The following AP4E1 variants were observed in gnomAD, a reference collection of about 807,000 sequenced individuals.
AP4E1 encodes adaptor related protein complex 4 subunit epsilon 1.
Under a neutral mutation model 128.2 loss-of-function variants are expected in AP4E1, and 56 were observed. The observed-to-expected ratio is 0.44, with a 90% CI of 0.35 to 0.55. AP4E1 has a LOEUF of 0.55. AP4E1 is among the 20% of genes least tolerant of loss of function. AP4E1 has a pLI of 0.00. For synonymous variants in AP4E1, 484 were observed against 473.1 expected (o/e 1.02, Z -0.30); for missense variants, 1,324 against 1,307.7 (o/e 1.01, Z -0.19).
At position 50,999,125 on chromosome 15, in the gene AP4E1, A is replaced by C. The variant is rs771319879; in HGVS notation, c.2958A>C (p.Lys986Asn). 1.6e-5 allele frequency: 26 copies of C among 1,613,912 alleles called. No homozygotes were observed. The highest frequency in any genetic ancestry group is 2.1e-5 in the Non-Finnish European group (25 of 1,179,962). The part of the protein sequence containing the change: ...CLPVMEAEST[K>N]SFQYSVQIEK... The stretch of plus-strand genomic sequence containing the variant: ...CTGTAATGGAAGCAGAAAGCACCAA[A>C]AGCTTTCAATATAGTGTGCAGATAG... The change falls in exon 19 of 21, where the codon AAA becomes AAC. Residue 986 changes from lysine to asparagine, a missense_variant. By Grantham distance (94) the Lys-to-Asn change is moderately conservative (BLOSUM62 0). Coordinates refer to ENST00000261842, the MANE Select transcript of AP4E1 (RefSeq NM_007347.5).
At chr15:50,985,243 T>C (rs1347818396) in intron 16 of AP4E1, among the ~76,000 whole-genome samples, 4 of 151,960 alleles carry the variant, frequency 2.6e-5, no homozygotes, top group Admixed American at 6.6e-5. Flanking sequence ...CAAAAATTTT[T>C]TCCCATTCTG....
chr15:50,985,741 G>A (rs575207672), intron 16 of AP4E1, among the ~76,000 whole-genome samples: 217 of 152,310 alleles, frequency 1.4e-3, no homozygotes, highest in African/African-American at 5.0e-3. Flanking sequence ...AAGTCAGGTA[G>A]AGTGATGCCT....
At chr15:50,930,080 T>A (rs955777751) in intron 6 of AP4E1, among the ~76,000 whole-genome samples, 5 of 149,928 alleles carry the variant, frequency 3.3e-5, no homozygotes, top group Middle Eastern at 7.0e-3. Context: ...GACTTTTTTT[T>A]TTTTGAGATT....
rs921582436 is a variant in AP4E1 at position 51,002,785 on chromosome 15, A to G, written c.*123A>G. The G allele has an allele frequency of 5.4e-5, 68 of 1,267,200 alleles. No individual in the cohort carries two copies. Among genetic ancestry groups the G allele is most frequent in the Admixed American group, 3.2e-4 (16 of 49,766 alleles). 78.5% of individuals were successfully genotyped at this position (1,267,200 alleles called of 1,614,324 possible). A position where few individuals can be genotyped will look rare whatever the true frequency, so the allele number is the denominator to read the frequency against. ...ATGGGGATTATTACAAGTGTGGTTT[A>G]TATGTTTTCTTTGTGATTCCTGGTC... On this transcript the variant is annotated 3_prime_UTR_variant, in exon 21 of 21. Coordinates refer to ENST00000261842, the MANE Select transcript of AP4E1 (RefSeq NM_007347.5).
At chr15:50,988,202 C>G (rs923991681) in intron 16 of AP4E1, among the ~76,000 whole-genome samples, 1 of 152,122 alleles carries the variant, frequency 6.6e-6, no homozygotes, top group African/African-American at 2.4e-5. Context: ...TTCTGATAAA[C>G]CCATTATAAA....
At chr15:50,983,062 A>C (rs150092965) in intron 15 of AP4E1, among the ~76,000 whole-genome samples, 1 of 152,372 alleles carries the variant, frequency 6.6e-6, no homozygotes, top group Non-Finnish European at 1.5e-5. Flanking sequence ...CCAATTAAAA[A>C]ATAAAGAAAC....
chr15:50,922,914 A>G (rs2063724374), intron 3 of AP4E1, among the ~76,000 whole-genome samples: 2 of 151,900 alleles, frequency 1.3e-5, no homozygotes, highest in East Asian at 3.9e-4. Flanking sequence ...AGTAGCTGGG[A>G]CTACAGGTGC....
chr15:50,938,373 A>G (rs2063937048), intron 8 of AP4E1, among the ~76,000 whole-genome samples: 1 of 152,170 alleles, frequency 6.6e-6, no homozygotes, highest in Admixed American at 6.5e-5. Flanking sequence ...AGCATAGGAA[A>G]AAACTGTGGA....
rs2064121920 is a variant in AP4E1 at position 50,949,893 on chromosome 15, A to G, written c.1384A>G (p.Met462Val). The G allele has an allele frequency of 6.2e-7, 1 of 1,613,794 alleles. No homozygotes were observed. Among genetic ancestry groups the G allele is most frequent in the Non-Finnish European group, 8.5e-7 (1 of 1,179,798 alleles). Residue 462 changes from methionine to valine, a missense_variant, in exon 12 of 21, where the codon ATG becomes GTG. Coordinates refer to ENST00000261842, the MANE Select transcript of AP4E1 (RefSeq NM_007347.5). Reference sequence around the variant, plus strand: ...TGTGTTTTCAGTAGGAGGAGATGTAATGCATCCTGATATTCCCAATAACTT... The same window carrying G: ...TGTGTTTTCAGTAGGAGGAGATGTAGTGCATCCTGATATTCCCAATAACTT... Reference protein sequence around the residue: ...NAVFSVGGDVMHPDIPNNFLR... With the variant: ...NAVFSVGGDVVHPDIPNNFLR...
At chr15:50,950,296 G>A in intron 13 of AP4E1, 127 bp downstream of exon 13, 3 of 642,850 alleles carry the variant, frequency 4.7e-6, no homozygotes, top group Non-Finnish European at 8.0e-6. Flanking sequence ...TTTTCAAATG[G>A]CCACCATCTA....
In AP4E1 at chr15:50,949,895, G is replaced by A; in HGVS notation, c.1386G>A (p.Met462Ile). 6.2e-7 allele frequency: 1 copy of A among 1,613,766 alleles called. No individual in the cohort carries two copies. Residue 462 changes from methionine (M) to isoleucine (I), a missense_variant, in exon 12 of 21, where the codon ATG becomes ATA. By Grantham distance (10) the Met-to-Ile change is conservative (BLOSUM62 1). Transcript: ENST00000261842. ...TGTTTTCAGTAGGAGGAGATGTAAT[G>A]CATCCTGATATTCCCAATAACTTTC... The part of the protein sequence containing the change: ...NAVFSVGGDV[M>I]HPDIPNNFLR...
At chr15:50,908,352 G>A (rs373546444), upstream of AP4E1, among the ~76,000 whole-genome samples, 13 of 152,308 alleles carry the variant, frequency 8.5e-5, no homozygotes, top group East Asian at 1.4e-3. Flanking sequence ...GACGGCGCGG[G>A]GACGTCCCGA....
chr15:50,975,200 G>A lies in AP4E1; in HGVS notation c.1966+6823G>A, dbSNP rs532247751. ...GTGGGTGGACCACCTGAGGTCGGGA[G>A]TTCGAGACCAGCCAGACCAACATGG... On this transcript the variant is annotated intron_variant, in intron 15 of 20. Coordinates refer to ENST00000261842, the MANE Select transcript of AP4E1 (RefSeq NM_007347.5). 5.3e-5 allele frequency among the ~76,000 whole-genome samples: 8 copies of A among 152,308 alleles called. No individual in the cohort carries two copies. In the East Asian group the frequency reaches 1.5e-3, roughly 29 times the overall value.
chr15:50,982,209 A>G (rs186854979), intron 15 of AP4E1, among the ~76,000 whole-genome samples: 21 of 151,750 alleles, frequency 1.4e-4, no homozygotes, highest in African/African-American at 4.6e-4. Context: ...TGCCAGTGCC[A>G]TGCTCTTGGA....
chr15:50,981,904 G>A (rs774593220), intron 15 of AP4E1, among the ~76,000 whole-genome samples: 3 of 151,976 alleles, frequency 2.0e-5, no homozygotes, highest in Non-Finnish European at 1.5e-5. Context: ...TGACCAACAT[G>A]GAGAAACCAC....
At chr15:50,946,320 A>G (rs933014033) in intron 10 of AP4E1, among the ~76,000 whole-genome samples, 17 of 152,156 alleles carry the variant, frequency 1.1e-4, no homozygotes, top group Admixed American at 9.2e-4. Context: ...GACATTTAAG[A>G]CCAAACGTCT....
chr15:50,939,084 T>C (rs915300021), intron 8 of AP4E1, among the ~76,000 whole-genome samples: 1 of 152,212 alleles, frequency 6.6e-6, no homozygotes, highest in Non-Finnish European at 1.5e-5. Flanking sequence ...TTTAATTTAG[T>C]AATTTATGCT....
intron 15 of AP4E1, among the ~76,000 whole-genome samples, chr15:50,974,419 A>G (rs1296821753): frequency 2.0e-5 from 3 of 151,866 alleles, no homozygotes; most frequent in South Asian, 2.1e-4. Flanking sequence ...GGTGCATGCC[A>G]TCATGCCTGG....
chr15:50,909,383 A>T (rs1596447954), intron 1 of AP4E1, among the ~76,000 whole-genome samples: 1 of 152,120 alleles, frequency 6.6e-6, no homozygotes, highest in Non-Finnish European at 1.5e-5. Flanking sequence ...CCTTCAACTG[A>T]ACAACAGTTC....
Sources: allele counts gnomAD v4.1 joint callset (sites outside exome capture counted in the v4.1 genomes callset), GRCh38; gene constraint gnomAD v4.1.1; transcripts MANE v1.5; gene names NCBI Gene and HGNC (gene_info 2026-07-23, HGNC 2026-07-21).